The following STON1 variants were observed in gnomAD, a reference collection of about 807,000 sequenced individuals.
The protein encoded by STON1 is stonin-1.
In STON1, 79 loss-of-function variants were observed where a neutral mutation model predicts 60.9. That is an observed-to-expected ratio of 1.30 (90% CI 1.08 to 1.56). STON1 has a LOEUF of 1.56. Among genes scored for constraint, STON1 ranks in the 40% most tolerant of loss-of-function variants. STON1 has a pLI of 0.00. For synonymous variants in STON1, 363 were observed against 306.9 expected, an observed-to-expected ratio of 1.18 and a Z score of -1.91; for missense variants, 1,166 against 858.9, an observed-to-expected ratio of 1.36 and a Z score of -4.47.
intron 1 of STON1, among the ~76,000 whole-genome samples, chr2:48,570,888 A>T (rs558814537): frequency 9.4e-4 from 110 of 116,448 alleles, no homozygotes; most frequent in African/African-American, 3.7e-3. Flanking sequence ...CCCCAGACAG[A>T]GTCTTGCACT....
chr2:48,564,452 C>CT (rs1672760773), intron 1 of STON1, among the ~76,000 whole-genome samples: 1 of 54,000 alleles, frequency 1.9e-5, no homozygotes, highest in African/African-American at 7.0e-5. Flanking sequence ...TCTTCTTCTT[C>CT]TTCTTCTTCT....
chr2:48,554,577 G>A (rs1423537749), intron 1 of STON1, among the ~76,000 whole-genome samples: 2 of 152,118 alleles, frequency 1.3e-5, no homozygotes, highest in Admixed American at 1.3e-4. Flanking sequence ...AGCCTGCCAG[G>A]GGCTCAAGCA....
At chr2:48,537,124 G>C (rs115347509) in intron 1 of STON1, among the ~76,000 whole-genome samples, 4,048 of 152,142 alleles carry the variant, frequency 0.027, 92 homozygotes, top group African/African-American at 0.06. Context: ...TACTGCATTG[G>C]GGTAGATGGT....
intron 1 of STON1, among the ~76,000 whole-genome samples, chr2:48,568,086 G>T (rs1415194192): frequency 3.3e-5 from 5 of 150,140 alleles, no homozygotes; most frequent in African/African-American, 1.2e-4. Context: ...TCTGCTGAAG[G>T]AGAGGGTGTT....
intron 1 of STON1, among the ~76,000 whole-genome samples, chr2:48,573,400 G>C (rs1160049243): frequency 6.6e-6 from 1 of 152,142 alleles, no homozygotes; most frequent in Non-Finnish European, 1.5e-5. Context: ...TTCTGCTTTT[G>C]ACAGCATTTT....
chr2:48,564,586 TCCTCCTCCTCCTC>T (rs1558605972), intron 1 of STON1, among the ~76,000 whole-genome samples: 881 of 65,850 alleles, frequency 0.013, 222 homozygotes, highest in Non-Finnish European at 0.019. Context: ...CTTCTCCTCC[TCCTCCTCCTCCTC>T]CTCCTTCTCC....
chr2:48,541,401 C>A (rs1269855253), intron 1 of STON1, among the ~76,000 whole-genome samples: 1 of 141,732 alleles, frequency 7.1e-6, no homozygotes, highest in African/African-American at 2.6e-5. Flanking sequence ...ACAGCGAAGT[C>A]GGCCGGGTGC....
chr2:48,568,111 A>G (rs146845379), intron 1 of STON1, among the ~76,000 whole-genome samples: 38 of 152,308 alleles, frequency 2.5e-4, no homozygotes, highest in African/African-American at 9.1e-4. Flanking sequence ...AGGCTTGAGT[A>G]GGAATTGACC....
chr2:48,565,447 T>A (rs1020894022), intron 1 of STON1, among the ~76,000 whole-genome samples: 7 of 152,136 alleles, frequency 4.6e-5, no homozygotes, highest in African/African-American at 1.7e-4. Context: ...TATCATCACA[T>A]TGGGATTCAG....
At position 48,581,940 on chromosome 2, in the gene STON1, G is replaced by A. The variant is rs1487281039; in HGVS notation, c.1307G>A (p.Ser436Asn). The A allele has an allele frequency of 6.2e-6, 10 of 1,614,186 alleles. No homozygotes were observed. ...KVTKEGKFVESAVITQIYCLC... is the reference protein window; with the variant it reads ...KVTKEGKFVENAVITQIYCLC... ...ACAAAAGAAGGAAAATTTGTTGAAA[G>A]TGCTGTGATAACTCAAATTTATTGC... is the stretch of plus-strand genomic sequence containing the variant. Residue 436 changes from serine to asparagine, a missense_variant, in exon 2 of 4, where the codon AGT becomes AAT. Ser to Asn is a conservative substitution (Grantham distance 46). Coordinates refer to ENST00000404752, the MANE Select transcript of STON1 (RefSeq NM_006873.4).
intron 1 of STON1, among the ~76,000 whole-genome samples, chr2:48,564,484 TTCTTCTTCTTCTTCTTCTTCTTCTTC>T (rs1672793249): frequency 8.6e-5 from 2 of 23,290 alleles, no homozygotes; most frequent in Non-Finnish European, 1.7e-4. Context: ...TTCTTCTTTC[TTCTTCTTCTTCTTCTTCTTCTTCTTC>T]TTCTTCTTCT....
At chr2:48,570,416 C>A (rs1673143425) in intron 1 of STON1, among the ~76,000 whole-genome samples, 1 of 152,088 alleles carries the variant, frequency 6.6e-6, no homozygotes, top group Admixed American at 6.6e-5. Flanking sequence ...CAAGTGCAAC[C>A]TTTGTTCGTG....
intron 1 of STON1, among the ~76,000 whole-genome samples, chr2:48,564,786 G>A (rs1228492697): frequency 2.3e-5 from 3 of 132,634 alleles, no homozygotes; most frequent in Non-Finnish European, 4.7e-5. Context: ...AGGCTGGAGT[G>A]CAGTGGCACG....
chr2:48,553,994 C>G (rs1162277474), intron 1 of STON1, among the ~76,000 whole-genome samples: 1 of 152,190 alleles, frequency 6.6e-6, no homozygotes, highest in Non-Finnish European at 1.5e-5. Flanking sequence ...GTGCTGTGAG[C>G]AGGAATACAA....
At chr2:48,541,023 T>C (rs1177000113) in intron 1 of STON1, among the ~76,000 whole-genome samples, 2 of 152,248 alleles carry the variant, frequency 1.3e-5, no homozygotes, top group Non-Finnish European at 2.9e-5. Context: ...TCTTAACTCC[T>C]AATTAACTTA....
chr2:48,581,327 A>G lies in STON1; in HGVS notation c.694A>G (p.Lys232Glu). The G allele has an allele frequency of 3.9e-6, 6 of 1,533,574 alleles. No individual in the cohort carries two copies. Among genetic ancestry groups the G allele is most frequent in the Non-Finnish European group, 5.2e-6 (6 of 1,143,842 alleles). The allele number at this position is 1,533,574 out of a possible 1,614,324, so 95.0% of individuals were successfully genotyped here. A position where few individuals can be genotyped will look rare whatever the true frequency, so the allele number is the denominator to read the frequency against. ...NKCSLNYICE[K>E]LEHLQSAENQ... ...GTGTTCACTCAACTATATCTGTGAG[A>G]AGCTTGAACATCTCCAGTCAGCTGA... The change falls in exon 2 of 4, where the codon AAG (lysine) becomes GAG (glutamate). Residue 232 changes from lysine to glutamate, a missense_variant. By Grantham distance (56) the Lys-to-Glu change is moderately conservative (BLOSUM62 1). Coordinates refer to ENST00000404752, the MANE Select transcript of STON1 (RefSeq NM_006873.4).
At chr2:48,557,081 C>CT (rs1187739629) in intron 1 of STON1, among the ~76,000 whole-genome samples, 1 of 109,164 alleles carries the variant, frequency 9.2e-6, no homozygotes, top group Non-Finnish European at 2.0e-5. Flanking sequence ...CTGACCCCCC[C>CT]CCACCTCCCT....
intron 1 of STON1, among the ~76,000 whole-genome samples, chr2:48,570,476 AATTAGTTAGTTCAGGGC>A (rs1306825625): frequency 6.6e-6 from 1 of 152,176 alleles, no homozygotes; most frequent in Non-Finnish European, 1.5e-5. Flanking sequence ...TGGTAGGGAC[AATTAGTTAGTTCAGGGC>A]TTCCCTAAAT....
rs1267004857 is a variant in STON1 at position 48,597,761 on chromosome 2, G to A, written c.*2459G>A. The A allele has an allele frequency of 2.6e-5, 4 of 152,568 alleles. No homozygotes were observed. The highest frequency in any genetic ancestry group is 4.1e-4 in the South Asian group (2 of 4,826). The allele number at this position is 152,568 out of a possible 1,614,324, so 9.5% of individuals were successfully genotyped here. ...GATCCTTAAATATTCATTACTTAAT[G>A]TTAAATTAACATTCTGTGTAGGGAG... On this transcript the variant is annotated 3_prime_UTR_variant, in exon 4 of 4. Coordinates refer to ENST00000404752, the MANE Select transcript of STON1 (RefSeq NM_006873.4).
Sources: allele counts gnomAD v4.1 joint callset (sites outside exome capture counted in the v4.1 genomes callset), GRCh38; gene constraint gnomAD v4.1.1; transcripts MANE v1.5; gene names NCBI Gene and HGNC (gene_info 2026-07-23, HGNC 2026-07-21).